XIRP2: variants seen among roughly 807,000 people sequenced by gnomAD.
XIRP2 encodes xin actin binding repeat containing 2, also known as xin actin-binding repeat-containing protein 2.
In XIRP2, 236 loss-of-function variants were observed where a neutral mutation model predicts 277.0. That is an observed-to-expected ratio of 0.85 (90% confidence interval 0.77 to 0.95). XIRP2 has a LOEUF of 0.95. XIRP2 is among the 40% of genes least tolerant of loss of function. The pLI is 0.00. For missense variants in XIRP2, 4,640 were observed against 4,157.5 expected, an observed-to-expected ratio of 1.12 and a Z score of -3.19; for synonymous variants, 1,490 against 1,416.5, an observed-to-expected ratio of 1.05 and a Z score of -1.17.
intron 3 of XIRP2, among the ~76,000 whole-genome samples, chr2:167,179,817 G>C (rs1221661187): frequency 6.6e-6 from 1 of 151,966 alleles, no homozygotes. Context: ...ATTTGTGTGT[G>C]TGTGTGTTTT....
At chr2:166,971,770 T>A (rs963247627) in intron 2 of XIRP2, among the ~76,000 whole-genome samples, 2 of 152,116 alleles carry the variant, frequency 1.3e-5, no homozygotes, top group Non-Finnish European at 2.9e-5. Flanking sequence ...GGAAAATAAT[T>A]TTTAATTATT....
chr2:167,238,765 T>G (rs930836906), intron 5 of XIRP2, among the ~76,000 whole-genome samples: 5 of 152,176 alleles, frequency 3.3e-5, no homozygotes, highest in Non-Finnish European at 5.9e-5. Flanking sequence ...AAAAGTGAAG[T>G]CCCACCTTCA....
chr2:167,056,089 A>T (rs988730439), intron 2 of XIRP2, among the ~76,000 whole-genome samples: 1 of 152,194 alleles, frequency 6.6e-6, no homozygotes, highest in African/African-American at 2.4e-5. Context: ...TACAATAAAA[A>T]GTAGACCAGT....
At chr2:166,907,397 T>G (rs1013923941) in intron 2 of XIRP2, among the ~76,000 whole-genome samples, 1 of 152,072 alleles carries the variant, frequency 6.6e-6, no homozygotes, top group Admixed American at 6.6e-5. Context: ...CCAAAAATAG[T>G]GGGGTTAGAA....
intron 2 of XIRP2, among the ~76,000 whole-genome samples, chr2:167,065,015 C>T (rs184529237): frequency 6.6e-6 from 1 of 151,852 alleles, no homozygotes; most frequent in Non-Finnish European, 1.5e-5. Flanking sequence ...GGAGTATATA[C>T]CCAGAAGTAG....
At chr2:167,208,602 C>G (rs956384201) in intron 3 of XIRP2, among the ~76,000 whole-genome samples, 2 of 152,126 alleles carry the variant, frequency 1.3e-5, no homozygotes, top group Admixed American at 1.3e-4. Context: ...GCCACCGCGC[C>G]CGGCTGAGAG....
intron 2 of XIRP2, among the ~76,000 whole-genome samples, chr2:167,118,611 C>A (rs1690965966): frequency 6.6e-6 from 1 of 152,112 alleles, no homozygotes; most frequent in Non-Finnish European, 1.5e-5. Context: ...CCTCCCTTCC[C>A]TCTGGAGGAT....
rs562069006 is a variant in XIRP2 at position 167,257,676 on chromosome 2, C to G, written c.*40-181C>G. Among the ~76,000 whole-genome samples the G allele has an allele frequency of 6.7e-4, 102 of 152,084 alleles. 1 individual carries two copies. Among genetic ancestry groups the G allele is most frequent in the Middle Eastern group, 6.8e-3 (2 of 294 alleles). On this transcript the variant is annotated intron_variant, in intron 10 of 10. Transcript: ENST00000409195. ...TCATAAAATTCTAAACACTGCAAGA[C>G]ATACATCATATAAAGTATTGGTGGT...
chr2:167,231,146 C>A (rs1694737034), intron 5 of XIRP2, among the ~76,000 whole-genome samples: 2 of 151,960 alleles, frequency 1.3e-5, no homozygotes, highest in South Asian at 4.1e-4. Context: ...ATGCTTAGAT[C>A]CAAGCCAGAT....
chr2:167,118,067 T>TC (rs763366118), intron 2 of XIRP2, among the ~76,000 whole-genome samples: 11 of 152,148 alleles, frequency 7.2e-5, no homozygotes, highest in Non-Finnish European at 1.6e-4. Context: ...CTATGTTTTT[T>TC]CCCCCACCAA....
chr2:167,124,553 T>C (rs1691146168), intron 2 of XIRP2: 1 of 152,222 alleles, frequency 6.6e-6, no homozygotes, highest in African/African-American at 2.4e-5. Context: ...AGCAGTATGT[T>C]AGACTCAGTG....
chr2:167,146,621 T>A (rs1165875812), intron 3 of XIRP2, among the ~76,000 whole-genome samples: 1 of 151,722 alleles, frequency 6.6e-6, no homozygotes, highest in African/African-American at 2.4e-5. Flanking sequence ...CAATAAACAG[T>A]CTAATATATA....
intron 2 of XIRP2, among the ~76,000 whole-genome samples, chr2:167,072,307 A>G (rs1467931690): frequency 6.6e-6 from 1 of 152,128 alleles, no homozygotes. Flanking sequence ...TTTATTCTCT[A>G]TATGTATAAT....
intron 3 of XIRP2, among the ~76,000 whole-genome samples, chr2:167,141,460 G>A (rs973472715): frequency 1.5e-4 from 23 of 152,076 alleles, no homozygotes; most frequent in African/African-American, 5.6e-4. Flanking sequence ...AGAAGTAAAT[G>A]GTATATCGGA....
chr2:166,921,782 T>A (rs550108437), intron 2 of XIRP2, among the ~76,000 whole-genome samples: 1 of 152,204 alleles, frequency 6.6e-6, no homozygotes, highest in South Asian at 2.1e-4. Flanking sequence ...GGCTTCAAGG[T>A]CACCTAATTC....
In XIRP2 at chr2:167,198,344, A is replaced by G. The variant is rs552830586; in HGVS notation, c.563-12391A>G. On this transcript the variant is annotated intron_variant, in intron 3 of 10. Transcript: ENST00000409195. The stretch of plus-strand genomic sequence containing the variant: ...AGAGTTTTGATACATTAAAATTATT[A>G]TAGTTTTAATATGTAAACATTCCTG... Among the ~76,000 whole-genome samples, 7 of 152,332 alleles carry G rather than the reference A, an allele frequency of 4.6e-5. No homozygotes were observed. In the South Asian group the frequency reaches 1.5e-3, roughly 32 times the overall value.
At chr2:167,218,361 C>G in intron 5 of XIRP2, 61 bp downstream of exon 5, 2 of 1,324,058 alleles carry the variant, frequency 1.5e-6, no homozygotes, top group Non-Finnish European at 2.0e-6. Flanking sequence ...ATTTTGGTGC[C>G]AATGTAGAAA....
At chr2:167,177,496 AG>A (rs540180989) in intron 3 of XIRP2, among the ~76,000 whole-genome samples, 89 of 152,326 alleles carry the variant, frequency 5.8e-4, no homozygotes, top group Non-Finnish European at 2.1e-4. Flanking sequence ...TTATAAAAAA[AG>A]TCTGCTTATA....
rs540216631 is a variant in XIRP2, at chr2:166,985,320, C to T, written c.408+81430C>T. Among the ~76,000 whole-genome samples, 372 of 152,310 alleles carry T rather than the reference C, an allele frequency of 2.4e-3. 1 individual carries two copies. Among genetic ancestry groups the T allele is most frequent in the Admixed American group, 5.8e-3 (89 of 15,300 alleles). On this transcript the variant is annotated intron_variant, in intron 2 of 10. Transcript: ENST00000409195. ...AGTTAAAATAACTTGCAATCATGTG[C>T]ATCTGCTCAAACATGCCATTGATTT...
Sources: gnomAD v4.1 joint callset for allele counts (sites outside exome capture counted in the v4.1 genomes callset) on GRCh38, gnomAD v4.1.1 for gene constraint, MANE v1.5 for transcripts, NCBI Gene and HGNC (gene_info 2026-07-23, HGNC 2026-07-21) for gene names.